Variants in SLC1A2 observed in about 807,000 individuals in gnomAD.
The protein encoded by SLC1A2 is excitatory amino acid transporter 2.
Under a neutral mutation model 48.8 loss-of-function variants are expected in SLC1A2, and 15 were observed. The observed-to-expected ratio is 0.31, with a 90% confidence interval of 0.21 to 0.47. The LOEUF (loss-of-function observed/expected upper bound fraction) is 0.47. Ranked by LOEUF, SLC1A2 falls within the 20% of genes least tolerant of loss-of-function variation. The probability of loss-of-function intolerance (pLI) is 0.99; values close to 1 mark genes in which losing one functional copy is unlikely to be tolerated. For synonymous variants in SLC1A2, 279 were observed against 272.6 expected, an observed-to-expected ratio of 1.02 and a Z score of -0.23; for missense variants, 502 against 730.5, an observed-to-expected ratio of 0.69 and a Z score of 3.61.
intron 1 of SLC1A2, chr11:35,399,605 T>C (rs751644008): frequency 2.0e-6 from 2 of 984,682 alleles, no homozygotes; most frequent in Non-Finnish European, 2.4e-6. Context: ...AGATAGATGA[T>C]GCGTTTTCCA....
chr11:35,371,666 A>G (rs1854067794), intron 1 of SLC1A2, among the ~76,000 whole-genome samples: 1 of 152,200 alleles, frequency 6.6e-6, no homozygotes, highest in South Asian at 2.1e-4. Flanking sequence ...TTTGCTGAAC[A>G]GTCAGAAGTA....
chr11:35,260,587 G>A lies in SLC1A2; in HGVS notation c.*307C>T. The A allele has an allele frequency of 5.7e-6, 2 of 348,402 alleles. No individual in the cohort carries two copies. Among genetic ancestry groups the A allele is most frequent in the Non-Finnish European group, 1.1e-5 (2 of 187,000 alleles). 21.6% of individuals were successfully genotyped at this position (348,402 alleles called of 1,614,324 possible). A position where few individuals can be genotyped will look rare whatever the true frequency, so the allele number is the denominator to read the frequency against. ...CTGGGAAAAGAGCATCCACATTTCT[G>A]CATCTTGGGAGAAAAGGGAAGCTGG... On this transcript the variant is annotated 3_prime_UTR_variant, in exon 11 of 11. Coordinates refer to ENST00000278379, the MANE Select transcript of SLC1A2 (RefSeq NM_004171.4).
chr11:35,314,315 A>C (rs1436769637), intron 3 of SLC1A2, among the ~76,000 whole-genome samples: 1 of 152,206 alleles, frequency 6.6e-6, no homozygotes, highest in Admixed American at 6.5e-5. Context: ...TTTTAATGCC[A>C]ATCTCCCTCA....
intron 1 of SLC1A2, among the ~76,000 whole-genome samples, chr11:35,319,632 T>C (rs1851996068): frequency 6.6e-6 from 1 of 152,208 alleles, no homozygotes; most frequent in Admixed American, 6.5e-5. Flanking sequence ...AAAACAGCCA[T>C]GTCAAAGTGA....
chr11:35,314,089 A>G (rs1851792202), intron 3 of SLC1A2, among the ~76,000 whole-genome samples: 1 of 152,246 alleles, frequency 6.6e-6, no homozygotes, highest in African/African-American at 2.4e-5. Context: ...AAATACCAGT[A>G]TAAGCCCACA....
intron 1 of SLC1A2, among the ~76,000 whole-genome samples, chr11:35,398,904 T>C (rs1855055964): frequency 6.6e-6 from 1 of 152,240 alleles, no homozygotes; most frequent in South Asian, 2.1e-4. Context: ...TAGCCTCCAC[T>C]CCATTTACTC....
chr11:35,286,719 G>T, intron 8 of SLC1A2, 38 bp downstream of exon 8: 1 of 1,520,716 alleles, frequency 6.6e-7, no homozygotes, highest in Non-Finnish European at 9.0e-7. Flanking sequence ...GGGGAAACAG[G>T]GTAGAGGTTG....
chr11:35,298,315 G>A (rs902806358), intron 6 of SLC1A2: 1 of 152,186 alleles, frequency 6.6e-6, no homozygotes, highest in South Asian at 2.1e-4. Context: ...CAAGAAGTTA[G>A]TAATTCTAAT....
intron 1 of SLC1A2, among the ~76,000 whole-genome samples, chr11:35,326,283 T>C (rs1852250099): frequency 1.3e-5 from 2 of 152,232 alleles, no homozygotes; most frequent in Non-Finnish European, 2.9e-5. Context: ...ATGTGGTCCT[T>C]CTGCTAGAAA....
intron 1 of SLC1A2, among the ~76,000 whole-genome samples, chr11:35,387,888 A>C (rs1317525111): frequency 6.6e-6 from 1 of 152,266 alleles, no homozygotes; most frequent in Non-Finnish European, 1.5e-5. Flanking sequence ...TATTCATACC[A>C]AAAATTCATA....
chr11:35,368,733 T>C (rs540373236), intron 1 of SLC1A2, among the ~76,000 whole-genome samples: 3 of 152,330 alleles, frequency 2.0e-5, no homozygotes, highest in South Asian at 2.1e-4. Flanking sequence ...CAGAGAACAA[T>C]GGTGCATACA....
intron 1 of SLC1A2, among the ~76,000 whole-genome samples, chr11:35,402,131 A>G (rs1049533362): frequency 6.6e-6 from 1 of 152,218 alleles, no homozygotes; most frequent in African/African-American, 2.4e-5. Flanking sequence ...AGTTGCTGGC[A>G]CATAGCTAAA....
At chr11:35,289,636 T>C (rs867924011) in intron 7 of SLC1A2, among the ~76,000 whole-genome samples, 2 of 152,190 alleles carry the variant, frequency 1.3e-5, no homozygotes, top group African/African-American at 4.8e-5. Context: ...ATAATACTAA[T>C]ATTTTTGAAA....
At chr11:35,277,478 C>T (rs978428828) in intron 9 of SLC1A2, among the ~76,000 whole-genome samples, 2 of 152,190 alleles carry the variant, frequency 1.3e-5, no homozygotes, top group Non-Finnish European at 1.5e-5. Context: ...AATATCACCC[C>T]TTTTCCTCAC....
chr11:35,337,373 G>A (rs950934335), intron 1 of SLC1A2, among the ~76,000 whole-genome samples: 6 of 152,140 alleles, frequency 3.9e-5, no homozygotes, highest in Admixed American at 2.0e-4. Flanking sequence ...GTTTTCAAAC[G>A]TGGCGAGAGG....
chr11:35,370,195 G>A (rs973667203), intron 1 of SLC1A2, among the ~76,000 whole-genome samples: 7 of 152,230 alleles, frequency 4.6e-5, no homozygotes, highest in Admixed American at 2.6e-4. Context: ...TGGAAATACA[G>A]TGTTACTTGC....
intron 1 of SLC1A2, among the ~76,000 whole-genome samples, chr11:35,388,906 G>A (rs553465635): frequency 1.3e-5 from 2 of 152,284 alleles, no homozygotes; most frequent in African/African-American, 4.8e-5. Flanking sequence ...CTGGGTACAC[G>A]TGGACATAGA....
chr11:35,419,215 G>A lies in SLC1A2; in HGVS notation c.-249C>T. 2.3e-6 allele frequency: 1 copy of A among 437,298 alleles called. No individual in the cohort carries two copies. Among genetic ancestry groups the A allele is most frequent in the South Asian group, 5.1e-5 (1 of 19,724 alleles). 27.1% of individuals were successfully genotyped at this position (437,298 alleles called of 1,614,324 possible). The stretch of plus-strand genomic sequence containing the variant: ...GCGCTCCCCTCCGCCCGCGGGGATG[G>A]CGCTTGGCGGGGAGCTCCGGGGGCT... On this transcript the variant is annotated 5_prime_UTR_variant, in exon 1 of 11. Coordinates refer to ENST00000278379, the MANE Select transcript of SLC1A2 (RefSeq NM_004171.4). The surrounding 1 kb of genome is among the most constrained non-coding windows in gnomAD (Gnocchi z 5.4).
At chr11:35,356,423 T>C (rs1298251349) in intron 1 of SLC1A2, among the ~76,000 whole-genome samples, 2 of 152,202 alleles carry the variant, frequency 1.3e-5, no homozygotes, top group Non-Finnish European at 2.9e-5. Flanking sequence ...CCTCTGGCCA[T>C]GCGTTATGGC....
Sources: allele counts gnomAD v4.1 joint callset (sites outside exome capture counted in the v4.1 genomes callset), GRCh38; gene constraint gnomAD v4.1.1; non-coding constraint Gnocchi (gnomAD v3.1); transcripts MANE v1.5; gene names NCBI Gene and HGNC (gene_info 2026-07-23, HGNC 2026-07-21).